Variants in GDE1 observed in about 807,000 individuals in gnomAD.
GDE1 encodes the protein RGS16-interacting membrane protein.
In GDE1, 24 loss-of-function variants were observed where a neutral mutation model predicts 32.2. The observed-to-expected ratio is 0.75, with a 90% CI of 0.54 to 1.05. The LOEUF (loss-of-function observed/expected upper bound fraction) is 1.05, where lower values mean the gene tolerates loss of function less well. Among genes scored for constraint, GDE1 ranks in the 50% least tolerant of loss-of-function variants. GDE1 has a pLI of 0.00. For missense variants in GDE1, 380 were observed against 415.0 expected, an observed-to-expected ratio of 0.92 and a Z score of 0.73; for synonymous variants, 159 against 158.6, an observed-to-expected ratio of 1.00 and a Z score of -0.02.
At chr16:19,516,990 T>C (rs1969388129) in intron 2 of GDE1, 24 bp downstream of exon 2, 1 of 1,603,378 alleles carries the variant, frequency 6.2e-7, no homozygotes, top group Non-Finnish European at 8.5e-7. Flanking sequence ...AAAAGATCTG[T>C]TTAAGTGACA....
At chr16:19,518,294 TCA>T (rs1162881027) in intron 1 of GDE1, among the ~76,000 whole-genome samples, 2 of 152,218 alleles carry the variant, frequency 1.3e-5, no homozygotes, top group South Asian at 4.1e-4. Flanking sequence ...CCTAATTTCC[TCA>T]GTCTCTTTCT....
At chr16:19,505,151 GT>G in intron 4 of GDE1, 59 bp from the exon 5 acceptor site, 1 of 1,205,956 alleles carries the variant, frequency 8.3e-7, no homozygotes, top group Non-Finnish European at 1.2e-6. Context: ...ATACTTATTA[GT>G]TTAGATTTAG....
At chr16:19,507,906 C>T in intron 3 of GDE1, 127 bp from the exon 4 acceptor site, 2 of 578,094 alleles carry the variant, frequency 3.5e-6, no homozygotes, top group South Asian at 4.7e-5. Context: ...AATGGAGGTA[C>T]TGAAAGTATT....
rs756105412 is a variant in GDE1, at chr16:19,503,439, T to A, written c.*31A>T. 1 of 1,607,252 alleles carries A rather than the reference T, an allele frequency of 6.2e-7. No individual in the cohort carries two copies. Among genetic ancestry groups the A allele is most frequent in the Middle Eastern group, 1.7e-4 (1 of 6,000 alleles). On this transcript the variant is annotated 3_prime_UTR_variant, in exon 6 of 6. Transcript: ENST00000353258. Reference sequence around the variant, plus strand: ...ATCCCTGTATGAGGCCCCTGGCAGTTTCTGAACCCGTTTCGTCCCACCGTG... The same window carrying A: ...ATCCCTGTATGAGGCCCCTGGCAGTATCTGAACCCGTTTCGTCCCACCGTG...
intron 1 of GDE1, among the ~76,000 whole-genome samples, chr16:19,519,018 A>T (rs948566928): frequency 1.3e-5 from 2 of 152,106 alleles, no homozygotes; most frequent in Non-Finnish European, 2.9e-5. Flanking sequence ...GACACTATCT[A>T]CCTGGAGATA....
chr16:19,509,425 A>G (rs1969288523), intron 3 of GDE1, among the ~76,000 whole-genome samples: 1 of 152,098 alleles, frequency 6.6e-6, no homozygotes, highest in African/African-American at 2.4e-5. Flanking sequence ...TTAAAAATAC[A>G]TGTTCCTTGA....
chr16:19,509,593 T>C (rs1969290498), intron 3 of GDE1, among the ~76,000 whole-genome samples: 1 of 152,154 alleles, frequency 6.6e-6, no homozygotes, highest in Non-Finnish European at 1.5e-5. Context: ...TACCATTATC[T>C]TCCTTCTTCA....
At chr16:19,516,928 T>C in intron 2 of GDE1, 86 bp downstream of exon 2, 1 of 1,169,528 alleles carries the variant, frequency 8.6e-7, no homozygotes, top group South Asian at 1.3e-5. Context: ...ACAACTCTCC[T>C]GGGGCAGATG....
chr16:19,504,685 G>A lies in GDE1; in HGVS notation c.848+196C>T. 5.6e-6 allele frequency: 3 copies of A among 537,140 alleles called. No individual in the cohort carries two copies. In the South Asian group the frequency reaches 7.7e-5, roughly 14 times the overall value. The allele number at this position is 537,140 out of a possible 1,614,324, so 33.3% of individuals were successfully genotyped here. ...ATACACTAAAAAACCGAAAATATGTGATCGACTCGGTCTGAAAACAGTGAA... is the reference window on the plus strand; with the variant it reads ...ATACACTAAAAAACCGAAAATATGTAATCGACTCGGTCTGAAAACAGTGAA... On this transcript the variant is annotated intron_variant, in intron 5 of 5. Transcript: ENST00000353258.
chr16:19,515,123 C>G (rs1969365258), intron 2 of GDE1, among the ~76,000 whole-genome samples: 1 of 151,628 alleles, frequency 6.6e-6, no homozygotes, highest in Admixed American at 6.6e-5. Context: ...ATTATCCCAG[C>G]CATTCTAATC....
At position 19,502,719 on chromosome 16, in the gene GDE1, A is replaced by G. The variant is rs1969193221; in HGVS notation, c.*751T>C. The G allele has an allele frequency of 5.9e-5, 9 of 152,090 alleles. No individual in the cohort carries two copies. Among genetic ancestry groups the G allele is most frequent in the Admixed American group, 5.9e-4 (9 of 15,274 alleles). The allele number at this position is 152,090 out of a possible 1,614,324, so 9.4% of individuals were successfully genotyped here. Reference sequence around the variant, plus strand: ...ACAGAGTTTAGTTTCCTCATTTGTAAAATGAGGACAAACCTAGATATTTTT... The same window carrying G: ...ACAGAGTTTAGTTTCCTCATTTGTAGAATGAGGACAAACCTAGATATTTTT... On this transcript the variant is annotated 3_prime_UTR_variant, in exon 6 of 6. Transcript: ENST00000353258.
At position 19,503,565 on chromosome 16, in the gene GDE1, C is replaced by T. The variant is rs754445734; in HGVS notation, c.901G>A (p.Val301Ile). 6.2e-7 allele frequency: 1 copy of T among 1,613,502 alleles called. No homozygotes were observed. The highest frequency in any genetic ancestry group is 1.3e-5 in the African/African-American group (1 of 75,040). Reference sequence around the variant, plus strand: ...TAACTCTTTTCATCAAAGGTATTAACAGTCCAACCAACAACCTGGATTCCT... The same window carrying T: ...TAACTCTTTTCATCAAAGGTATTAATAGTCCAACCAACAACCTGGATTCCT... Reference protein sequence around the residue: ...AKGIQVVGWTVNTFDEKSYYE... With the variant: ...AKGIQVVGWTINTFDEKSYYE... The change falls in exon 6 of 6, where the codon GTT becomes ATT. Residue 301 changes from valine to isoleucine, a missense_variant. Physicochemically the swap from Val to Ile is conservative, Grantham distance 29. Coordinates refer to ENST00000353258, the MANE Select transcript of GDE1 (RefSeq NM_016641.4).
At chr16:19,510,810 C>A in intron 3 of GDE1, 29 bp downstream of exon 3, 2 of 1,007,858 alleles carry the variant, frequency 2.0e-6, no homozygotes, top group Non-Finnish European at 2.9e-6. Flanking sequence ...GTCTTTTTAA[C>A]AAAGTGAAGT....
At position 19,517,165 on chromosome 16, in the gene GDE1, C is replaced by T. The variant is rs752547994; in HGVS notation, c.286G>A (p.Val96Met). Residue 96 changes from valine to methionine, a missense_variant, in exon 2 of 6, where the codon GTG becomes ATG. Coordinates refer to ENST00000353258, the MANE Select transcript of GDE1 (RefSeq NM_016641.4). ...GAAGTAAACTCAATGTCCAACTCCA[C>T]GCCTGTTGCTCCATTCTTAGCTGCC... ...RQAAKNGATGVELDIEFTSDG... is the reference protein window; with the variant it reads ...RQAAKNGATGMELDIEFTSDG... The T allele has an allele frequency of 1.1e-5, 17 of 1,613,696 alleles. No homozygotes were observed. The highest frequency in any genetic ancestry group is 6.6e-5 in the South Asian group (6 of 91,066).
At chr16:19,516,727 A>T (rs1969385009) in intron 2 of GDE1, among the ~76,000 whole-genome samples, 1 of 152,220 alleles carries the variant, frequency 6.6e-6, no homozygotes, top group Non-Finnish European at 1.5e-5. Flanking sequence ...GGTACACCTG[A>T]AGGCAAGAAG....
At chr16:19,510,699 T>C in intron 3 of GDE1, 140 bp downstream of exon 3, 2 of 455,166 alleles carry the variant, frequency 4.4e-6, no homozygotes, top group South Asian at 5.6e-5. Flanking sequence ...TCCTGCATTG[T>C]ACACTTCCAT....
At chr16:19,520,420 G>GA (rs999902181) in intron 1 of GDE1, among the ~76,000 whole-genome samples, 30 of 144,208 alleles carry the variant, frequency 2.1e-4, no homozygotes, top group Middle Eastern at 3.5e-3. Context: ...AAAAAAAAAA[G>GA]AAAAAAAAAG....
rs781486541 is a variant in GDE1 at position 19,521,780 on chromosome 16, C to G, written c.185G>C (p.Arg62Pro). 1.2e-6 allele frequency: 2 copies of G among 1,611,986 alleles called. No homozygotes were observed. Among genetic ancestry groups the G allele is most frequent in the South Asian group, 1.1e-5 (1 of 90,714 alleles). ...GTGGGCGATGGCAGAAATGCGGTCCCGGGGCTTGAGCACCTGCAGGGCCCT... is the reference window on the plus strand; with the variant it reads ...GTGGGCGATGGCAGAAATGCGGTCCGGGGGCTTGAGCACCTGCAGGGCCCT... The part of the protein sequence containing the change: ...SCRALQVLKP[R>P]DRISAIAHRG... Residue 62 changes from arginine to proline, a missense_variant, in exon 1 of 6, where the codon CGG (arginine) becomes CCG (proline). Transcript: ENST00000353258.
intron 5 of GDE1, 23 bp downstream of exon 5, chr16:19,504,858 A>G (rs754531926): frequency 2.7e-6 from 4 of 1,488,556 alleles, no homozygotes; most frequent in Non-Finnish European, 3.7e-6. Context: ...TGTCTGGGTA[A>G]AATAAAAAAC....
Sources: gnomAD v4.1 joint callset for allele counts (sites outside exome capture counted in the v4.1 genomes callset) on GRCh38, gnomAD v4.1.1 for gene constraint, MANE v1.5 for transcripts, NCBI Gene and HGNC (gene_info 2026-07-23, HGNC 2026-07-21) for gene names.